TNRC6B: variants seen among roughly 807,000 people sequenced by gnomAD.
TNRC6B encodes trinucleotide repeat containing adaptor 6B.
Under a neutral mutation model 203.6 loss-of-function variants are expected in TNRC6B, and 52 were observed. That is an observed-to-expected ratio of 0.26 (90% CI 0.20 to 0.32). TNRC6B has a LOEUF of 0.32. TNRC6B is among the 10% of genes least tolerant of loss of function. The pLI, the probability that TNRC6B is intolerant of heterozygous loss-of-function variation, is 1.00. For missense variants in TNRC6B, 1,923 were observed against 2,286.2 expected (o/e 0.84, Z 3.24); for synonymous variants, 838 against 845.7 (o/e 0.99, Z 0.16).
At chr22:40,198,090 C>T (rs1257529278) in intron 1 of TNRC6B, among the ~76,000 whole-genome samples, 1 of 152,026 alleles carries the variant, frequency 6.6e-6, no homozygotes, top group Non-Finnish European at 1.5e-5. Context: ...GAAGGCTTAT[C>T]AAAGCTATAA....
chr22:40,212,063 A>G (rs1480392182), intron 1 of TNRC6B, among the ~76,000 whole-genome samples: 1 of 152,182 alleles, frequency 6.6e-6, no homozygotes, highest in Admixed American at 6.6e-5. Flanking sequence ...ATGAAGTTCA[A>G]ATTTAGCCTG....
chr22:40,076,520 G>C (rs1182662038), intron 1 of TNRC6B, among the ~76,000 whole-genome samples: 1 of 151,940 alleles, frequency 6.6e-6, no homozygotes, highest in Non-Finnish European at 1.5e-5. Flanking sequence ...CTATCTTTTG[G>C]CACCTTAAAG....
intron 1 of TNRC6B, among the ~76,000 whole-genome samples, chr22:40,219,218 C>A (rs2069675665): frequency 6.6e-6 from 1 of 152,154 alleles, no homozygotes. Flanking sequence ...GTATCTATAC[C>A]CAGGACCAAT....
intron 1 of TNRC6B, among the ~76,000 whole-genome samples, chr22:40,194,178 A>G (rs2069307961): frequency 6.6e-6 from 1 of 152,174 alleles, no homozygotes; most frequent in African/African-American, 2.4e-5. Flanking sequence ...GGAAAAGAAG[A>G]AGGAGTCTGG....
At chr22:40,116,205 C>T (rs1014395760) in intron 1 of TNRC6B, among the ~76,000 whole-genome samples, 1 of 152,112 alleles carries the variant, frequency 6.6e-6, no homozygotes, top group Non-Finnish European at 1.5e-5. Flanking sequence ...AACTAAGGGG[C>T]CAACTTCCAA....
intron 7 of TNRC6B, among the ~76,000 whole-genome samples, chr22:40,275,494 G>A (rs62238021): frequency 0.11 from 17,112 of 151,984 alleles, 1,048 homozygotes; most frequent in South Asian, 0.15. Flanking sequence ...TTACCATAGC[G>A]TACATTTTTA....
At chr22:40,226,468 G>A (rs1216410268) in intron 1 of TNRC6B, among the ~76,000 whole-genome samples, 1 of 152,140 alleles carries the variant, frequency 6.6e-6, no homozygotes, top group African/African-American at 2.4e-5. Context: ...CTTGTTTGCA[G>A]TAGATACCGT....
intron 1 of TNRC6B, among the ~76,000 whole-genome samples, chr22:40,061,488 G>T (rs1217617567): frequency 1.3e-5 from 2 of 151,848 alleles, no homozygotes; most frequent in Non-Finnish European, 2.9e-5. Context: ...CTTCCAAAGT[G>T]CTAGGATTGC....
chr22:40,300,805 C>T lies in TNRC6B; in HGVS notation c.3841-105C>T. 4.0e-6 allele frequency: 5 copies of T among 1,264,046 alleles called. No homozygotes were observed. In the East Asian group the frequency reaches 1.0e-4, roughly 26 times the overall value. The allele number at this position is 1,264,046 out of a possible 1,614,324, so 78.3% of individuals were successfully genotyped here. Reference sequence around the variant, plus strand: ...TTTGGTGTTACTTCCCTCCTGGATACTTTTGATTGTGTGACCTGTACTTCA... The same window carrying T: ...TTTGGTGTTACTTCCCTCCTGGATATTTTTGATTGTGTGACCTGTACTTCA... On this transcript the variant is annotated intron_variant, in intron 13 of 22. Transcript: ENST00000454349.
At chr22:40,271,871 G>A (rs1202409748) in intron 6 of TNRC6B, among the ~76,000 whole-genome samples, 1 of 152,188 alleles carries the variant, frequency 6.6e-6, no homozygotes, top group Non-Finnish European at 1.5e-5. Flanking sequence ...ACCAGTTGAT[G>A]GAGACAGTTA....
chr22:40,184,353 G>A (rs919066286), intron 1 of TNRC6B, among the ~76,000 whole-genome samples: 3 of 152,100 alleles, frequency 2.0e-5, no homozygotes, highest in East Asian at 3.9e-4. Flanking sequence ...CAAAGACCAC[G>A]GGGCACTAGT....
chr22:40,175,810 C>G (rs1266528274), upstream of TNRC6B, among the ~76,000 whole-genome samples: 1 of 152,238 alleles, frequency 6.6e-6, no homozygotes, highest in Non-Finnish European at 1.5e-5. Context: ...CACAGCTATT[C>G]AGGCTACCAG....
intron 3 of TNRC6B, among the ~76,000 whole-genome samples, chr22:40,255,835 TTTGTTTGC>T (rs1014488429): frequency 6.6e-6 from 1 of 151,694 alleles, no homozygotes; most frequent in African/African-American, 2.4e-5. Context: ...AATGCAGGTG[TTTGTTTGC>T]TTGTTTGTTT....
chr22:40,134,591 G>A (rs2146332553), intron 3 of TNRC6B, among the ~76,000 whole-genome samples: 1 of 152,284 alleles, frequency 6.6e-6, no homozygotes, highest in African/African-American at 2.4e-5. Context: ...GGGAGGGATA[G>A]CATTAGGAGA....
intron 8 of TNRC6B, 59 bp downstream of exon 8, chr22:40,277,210 A>T: frequency 3.1e-6 from 4 of 1,311,038 alleles, no homozygotes; most frequent in Non-Finnish European, 4.2e-6. Flanking sequence ...TAATATTAAT[A>T]CCAATTTTAA....
chr22:40,318,440 G>A (rs1002594708), intron 21 of TNRC6B, among the ~76,000 whole-genome samples: 2 of 152,086 alleles, frequency 1.3e-5, no homozygotes, highest in African/African-American at 4.8e-5. Flanking sequence ...CCAGCTACTT[G>A]GGAGGCTGTG....
Position 40,245,959 on chromosome 22 carries a change from G to A in TNRC6B, c.6-56G>A, listed in dbSNP as rs145191448. 5.9e-3 allele frequency: 8,272 copies of A among 1,391,000 alleles called. 30 individuals are homozygous for A. Among genetic ancestry groups the A allele is most frequent in the Non-Finnish European group, 7.2e-3 (7,477 of 1,031,472 alleles). 86.2% of individuals were successfully genotyped at this position (1,391,000 alleles called of 1,614,324 possible). A position where few individuals can be genotyped will look rare whatever the true frequency, so the allele number is the denominator to read the frequency against. Reference sequence around the variant, plus strand: ...CACTTACAAGCATTCAATTTGCTGCGGAAATGGATTGTGAATGTAGATGTA... The same window carrying A: ...CACTTACAAGCATTCAATTTGCTGCAGAAATGGATTGTGAATGTAGATGTA... On this transcript the variant is annotated intron_variant, in intron 1 of 22. Transcript: ENST00000454349.
At chr22:40,260,556 G>T (rs1257935061) in intron 3 of TNRC6B, among the ~76,000 whole-genome samples, 1 of 152,196 alleles carries the variant, frequency 6.6e-6, no homozygotes, top group East Asian at 1.9e-4. Flanking sequence ...AGAGATGGAT[G>T]ATGTGTTCCA....
chr22:40,320,988 A>T, intron 21 of TNRC6B, 102 bp from the exon 22 acceptor site: 1 of 1,398,606 alleles, frequency 7.1e-7, no homozygotes. Context: ...AACTATTTGC[A>T]AAATGGGCAC....
Sources: gnomAD v4.1 joint callset for allele counts (sites outside exome capture counted in the v4.1 genomes callset) on GRCh38, gnomAD v4.1.1 for gene constraint, MANE v1.5 for transcripts, NCBI Gene and HGNC (gene_info 2026-07-23, HGNC 2026-07-21) for gene names.